The following LRRC28 variants were observed in gnomAD, a reference collection of about 807,000 sequenced individuals.
LRRC28 encodes leucine rich repeat containing 28.
LRRC28 carries 39 observed loss-of-function variants against 45.7 expected under a neutral mutation model. The ratio of observed to expected loss-of-function variants is 0.85; its 90% confidence interval spans 0.66 to 1.12. The LOEUF (loss-of-function observed/expected upper bound fraction) is 1.12. Among genes scored for constraint, LRRC28 ranks in the 50% most tolerant of loss-of-function variants. The pLI is 0.00. For synonymous variants in LRRC28, 206 were observed against 178.8 expected, an observed-to-expected ratio of 1.15 and a Z score of -1.22; for missense variants, 435 against 438.5, an observed-to-expected ratio of 0.99 and a Z score of 0.07.
At chr15:99,313,870 G>A (rs1389597462) in intron 5 of LRRC28, among the ~76,000 whole-genome samples, 1 of 152,124 alleles carries the variant, frequency 6.6e-6, no homozygotes, top group Non-Finnish European at 1.5e-5. Context: ...CCTTAGCCCT[G>A]TTTTGATAAA....
intron 2 of LRRC28, among the ~76,000 whole-genome samples, chr15:99,271,083 C>T (rs2081465580): frequency 6.6e-6 from 1 of 152,188 alleles, no homozygotes; most frequent in African/African-American, 2.4e-5. Context: ...AATGTCTGTT[C>T]AGATCCTTTG....
Position 99,324,443 on chromosome 15 carries a change from G to A in LRRC28, c.386-9480G>A, listed in dbSNP as rs541572915. On this transcript the variant is annotated intron_variant, in intron 5 of 9. Coordinates refer to ENST00000301981, the MANE Select transcript of LRRC28 (RefSeq NM_144598.5). ...ACTTAGAGCTATTTTTAGTGGTACCGGAAAAAGCAAGTGCTTAAAAATATC... is the reference window on the plus strand; with the variant it reads ...ACTTAGAGCTATTTTTAGTGGTACCAGAAAAAGCAAGTGCTTAAAAATATC... 7.9e-5 allele frequency among the ~76,000 whole-genome samples: 12 copies of A among 152,144 alleles called. No individual in the cohort carries two copies. The East Asian group carries it at 9.7e-4, about 12-fold the overall frequency.
intron 5 of LRRC28, among the ~76,000 whole-genome samples, chr15:99,320,196 A>G (rs1344762387): frequency 1.3e-5 from 2 of 152,202 alleles, no homozygotes; most frequent in Non-Finnish European, 2.9e-5. Context: ...AATTGCTAAT[A>G]TAATTTTTTT....
intron 5 of LRRC28, among the ~76,000 whole-genome samples, chr15:99,330,580 T>C (rs2152289638): frequency 6.6e-6 from 1 of 152,296 alleles, no homozygotes; most frequent in Non-Finnish European, 1.5e-5. Context: ...ATGGTATTTT[T>C]CCCATCCTTT....
intron 9 of LRRC28, among the ~76,000 whole-genome samples, chr15:99,379,023 G>A (rs1051543776): frequency 6.8e-6 from 1 of 147,892 alleles, no homozygotes; most frequent in African/African-American, 2.5e-5. Flanking sequence ...TGTCTCGCCA[G>A]GCTTTGGTAT....
At chr15:99,302,121 G>A (rs1265956611) in intron 5 of LRRC28, among the ~76,000 whole-genome samples, 2 of 151,610 alleles carry the variant, frequency 1.3e-5, no homozygotes, top group Non-Finnish European at 2.9e-5. Context: ...CCACCTCCCG[G>A]GTTCACACCA....
intron 2 of LRRC28, among the ~76,000 whole-genome samples, chr15:99,271,557 G>A (rs534603492): frequency 5.3e-5 from 8 of 152,102 alleles, no homozygotes; most frequent in South Asian, 4.2e-4. Context: ...AATTACAGGC[G>A]TGAGCCACCG....
intron 5 of LRRC28, among the ~76,000 whole-genome samples, chr15:99,293,102 A>G (rs2082168339): frequency 6.6e-6 from 1 of 152,148 alleles, no homozygotes; most frequent in Non-Finnish European, 1.5e-5. Context: ...AGGGTTCACA[A>G]TATCCTCCCT....
chr15:99,309,680 T>C (rs1955331762), intron 5 of LRRC28, among the ~76,000 whole-genome samples: 1 of 152,232 alleles, frequency 6.6e-6, no homozygotes, highest in Non-Finnish European at 1.5e-5. Flanking sequence ...GTGCTGGGAT[T>C]ACAGGTGTGA....
Position 99,363,332 on chromosome 15 carries a change from G to A in LRRC28, c.1031+67G>A, listed in dbSNP as rs1282986022. The A allele has an allele frequency of 5.8e-6, 9 of 1,565,118 alleles. No individual in the cohort carries two copies. In the Admixed American group the frequency reaches 1.4e-4, roughly 25 times the overall value. ...AGGGGTGGCAGGTGGGGAGGGGAGA[G>A]GCTGTGCATGAAAGCATTAAGTCAG... On this transcript the variant is annotated intron_variant, in intron 9 of 9. Transcript: ENST00000301981.
intron 3 of LRRC28, chr15:99,284,697 A>G: frequency 1.9e-6 from 1 of 515,498 alleles, no homozygotes; most frequent in South Asian, 1.4e-5. Context: ...GGTTTGGCCA[A>G]GTATTGGACT....
chr15:99,276,008 G>T (rs1466090422), intron 2 of LRRC28, among the ~76,000 whole-genome samples: 1 of 152,012 alleles, frequency 6.6e-6, no homozygotes, highest in African/African-American at 2.4e-5. Context: ...TGTCCCATCA[G>T]CAGCAGCATT....
rs534143501 is a variant in LRRC28, at chr15:99,387,259, A to C, written c.*1157A>C. The stretch of plus-strand genomic sequence containing the variant: ...GTATTTTTAGTAGAGACGGGGTTTC[A>C]CCGTGTTAGCCGGGATGGTCTCGAT... On this transcript the variant is annotated 3_prime_UTR_variant, in exon 10 of 10. Coordinates refer to ENST00000301981, the MANE Select transcript of LRRC28 (RefSeq NM_144598.5). The C allele has an allele frequency of 1.8e-4, 27 of 150,928 alleles. No individual in the cohort carries two copies. The highest frequency in any genetic ancestry group is 3.2e-4 in the African/African-American group (13 of 41,024). 9.3% of individuals were successfully genotyped at this position (150,928 alleles called of 1,614,324 possible). A position where few individuals can be genotyped will look rare whatever the true frequency, so the allele number is the denominator to read the frequency against.
At chr15:99,384,976 C>T (rs2175226) in intron 9 of LRRC28, among the ~76,000 whole-genome samples, 24,843 of 152,070 alleles carry the variant, frequency 0.16, 2,347 homozygotes, top group East Asian at 0.31. Context: ...TGGAGAGCAC[C>T]CAGAAGGATA....
At chr15:99,344,907 TA>T (rs1376700298) in intron 6 of LRRC28, among the ~76,000 whole-genome samples, 1 of 152,190 alleles carries the variant, frequency 6.6e-6, no homozygotes, top group Non-Finnish European at 1.5e-5. Context: ...TCTGTGCAAT[TA>T]AAGTATAGAA....
At position 99,309,773 on chromosome 15, in the gene LRRC28, A is replaced by T. The variant is rs548312260; in HGVS notation, c.385+21822A>T. 2.0e-5 allele frequency among the ~76,000 whole-genome samples: 3 copies of T among 152,344 alleles called. No homozygotes were observed. In the East Asian group the frequency reaches 5.8e-4, roughly 29 times the overall value. On this transcript the variant is annotated intron_variant, in intron 5 of 9. Coordinates refer to ENST00000301981, the MANE Select transcript of LRRC28 (RefSeq NM_144598.5). ...ATTTCTTATCTTAGGACTTCTGCTT[A>T]TAGAATTGCAAGACTAGATAATTCA... is the stretch of plus-strand genomic sequence containing the variant.
At chr15:99,301,272 A>G (rs1323957958) in intron 5 of LRRC28, among the ~76,000 whole-genome samples, 1 of 152,224 alleles carries the variant, frequency 6.6e-6, no homozygotes, top group African/African-American at 2.4e-5. Context: ...TTAAAGGGAA[A>G]TGAACATTTT....
chr15:99,339,789 G>A (rs1567677177), intron 6 of LRRC28, among the ~76,000 whole-genome samples: 1 of 152,026 alleles, frequency 6.6e-6, no homozygotes, highest in South Asian at 2.1e-4. Flanking sequence ...AGAATAGCTT[G>A]TGCATAAACC....
At chr15:99,324,087 A>AC (rs1242405962) in intron 5 of LRRC28, among the ~76,000 whole-genome samples, 2 of 151,880 alleles carry the variant, frequency 1.3e-5, no homozygotes, top group Non-Finnish European at 2.9e-5. Flanking sequence ...ATGTTCCAAG[A>AC]CCCCCCGTGG....
Sources: allele counts gnomAD v4.1 joint callset (sites outside exome capture counted in the v4.1 genomes callset), GRCh38; gene constraint gnomAD v4.1.1; transcripts MANE v1.5; gene names NCBI Gene and HGNC (gene_info 2026-07-23, HGNC 2026-07-21).